MAP3K19: variants seen among roughly 807,000 people sequenced by gnomAD.
MAP3K19 encodes mitogen-activated protein kinase kinase kinase 19, also known as SPS1/STE20-related protein kinase YSK4.
In MAP3K19, 91 loss-of-function variants were observed where a neutral mutation model predicts 114.4. That is an observed-to-expected ratio of 0.80 (90% CI 0.67 to 0.95). The LOEUF is 0.95. Ranked by LOEUF, MAP3K19 falls within the 40% of genes least tolerant of loss-of-function variation. MAP3K19 has a pLI of 0.00. For missense variants in MAP3K19, 1,471 were observed against 1,573.2 expected, an observed-to-expected ratio of 0.94 and a Z score of 1.10; for synonymous variants, 518 against 530.5, an observed-to-expected ratio of 0.98 and a Z score of 0.32.
intron 1 of MAP3K19, among the ~76,000 whole-genome samples, chr2:135,044,808 A>G (rs1047592357): frequency 2.6e-5 from 4 of 152,140 alleles, no homozygotes; most frequent in African/African-American, 9.7e-5. Context: ...ACCCAATCTA[A>G]TGTGCCTGAG....
At chr2:135,038,261 A>ATATAT (rs1266400031) in intron 2 of MAP3K19, among the ~76,000 whole-genome samples, 2 of 151,994 alleles carry the variant, frequency 1.3e-5, no homozygotes, top group African/African-American at 4.8e-5. Context: ...AAATTGTGGC[A>ATATAT]TATATATACA....
chr2:134,967,600 A>G (rs1396001832), intron 12 of MAP3K19, among the ~76,000 whole-genome samples: 1 of 152,262 alleles, frequency 6.6e-6, no homozygotes, highest in Non-Finnish European at 1.5e-5. Context: ...GCTTAGAGAC[A>G]CGTCCAGTCA....
intron 3 of MAP3K19, among the ~76,000 whole-genome samples, chr2:135,029,666 C>T (rs2104782874): frequency 6.6e-6 from 1 of 152,264 alleles, no homozygotes; most frequent in South Asian, 2.1e-4. Flanking sequence ...AATTGATTTT[C>T]TTTCAGTTGG....
chr2:135,008,864 G>A (rs1687017131), intron 5 of MAP3K19, among the ~76,000 whole-genome samples: 2 of 152,132 alleles, frequency 1.3e-5, no homozygotes, highest in South Asian at 4.2e-4. Context: ...CTGCAGCCTT[G>A]AACTCCTGGG....
chr2:134,990,640 C>G (rs1685501571), intron 9 of MAP3K19, among the ~76,000 whole-genome samples: 1 of 151,938 alleles, frequency 6.6e-6, no homozygotes, highest in Non-Finnish European at 1.5e-5. Context: ...CCATGCCCAG[C>G]TAATGTTTTG....
At chr2:135,009,855 G>A (rs769961153) in intron 5 of MAP3K19, among the ~76,000 whole-genome samples, 3 of 152,010 alleles carry the variant, frequency 2.0e-5, no homozygotes, top group Non-Finnish European at 2.9e-5. Flanking sequence ...CAAGCTCACC[G>A]TTCCAATAAT....
intron 9 of MAP3K19, 58 bp from the exon 10 acceptor site, chr2:134,988,311 C>T: frequency 7.0e-7 from 1 of 1,426,242 alleles, no homozygotes; most frequent in East Asian, 2.3e-5. Context: ...ATCACGCTAA[C>T]TCGTTTAAAG....
At chr2:135,021,574 G>C (rs138600859) in intron 5 of MAP3K19, 141 bp downstream of exon 5, 30 of 583,198 alleles carry the variant, frequency 5.1e-5, no homozygotes, top group Middle Eastern at 5.2e-4. Flanking sequence ...TTTCAGAAGA[G>C]TGTCTTACCA....
intron 12 of MAP3K19, among the ~76,000 whole-genome samples, chr2:134,966,986 A>G (rs1408047698): frequency 6.6e-6 from 1 of 152,216 alleles, no homozygotes; most frequent in Non-Finnish European, 1.5e-5. Flanking sequence ...CTGTACTTTC[A>G]ACAATTTCTT....
At chr2:134,969,608 G>A (rs561406371) in intron 12 of MAP3K19, among the ~76,000 whole-genome samples, 12 of 152,080 alleles carry the variant, frequency 7.9e-5, no homozygotes, top group Non-Finnish European at 1.8e-4. Context: ...TCAACAGGTC[G>A]TCTCTTCACA....
chr2:135,030,273 C>T (rs1688349920), intron 3 of MAP3K19, 39 bp downstream of exon 3: 1 of 152,572 alleles, frequency 6.6e-6, no homozygotes, highest in African/African-American at 2.4e-5. Context: ...TTTCACCATC[C>T]ACTCACCCAC....
intron 1 of MAP3K19, among the ~76,000 whole-genome samples, chr2:135,041,477 A>G (rs1258083461): frequency 1.3e-5 from 2 of 151,794 alleles, no homozygotes; most frequent in African/African-American, 2.4e-5. Context: ...AGTAGCTGGG[A>G]CTACTGGTGC....
chr2:134,984,242 C>G (rs546994371), intron 10 of MAP3K19, among the ~76,000 whole-genome samples: 1 of 152,184 alleles, frequency 6.6e-6, no homozygotes, highest in African/African-American at 2.4e-5. Flanking sequence ...TCAGCTTGCT[C>G]CTAAACACAG....
At chr2:134,970,439 A>C (rs76822830) in intron 12 of MAP3K19, among the ~76,000 whole-genome samples, 1 of 151,734 alleles carries the variant, frequency 6.6e-6, no homozygotes, top group Non-Finnish European at 1.5e-5. Context: ...AAACACAACA[A>C]ATTTTCGTAT....
In MAP3K19 at chr2:134,999,858, C is replaced by T. The variant is rs550206226; in HGVS notation, c.314+79G>A. On this transcript the variant is annotated intron_variant, in intron 7 of 12. Coordinates refer to ENST00000392915, the MANE Select transcript of MAP3K19 (RefSeq NM_025052.5). This position sits in a 1 kb window ranked among gnomAD's most constrained non-coding sequence, Gnocchi z 4.1. ...TTAAGCATTATTATGGATTCAATTA[C>T]TAATAATGTAGGTTGCCATATGACT... 4 of 920,570 alleles carry T rather than the reference C, an allele frequency of 4.3e-6. No individual in the cohort carries two copies. Among genetic ancestry groups the T allele is most frequent in the African/African-American group, 3.3e-5 (2 of 61,332 alleles). 57.0% of individuals were successfully genotyped at this position (920,570 alleles called of 1,614,324 possible).
chr2:135,001,411 A>G lies in MAP3K19; in HGVS notation c.236-1396T>C, dbSNP rs548827536. On this transcript the variant is annotated intron_variant, in intron 6 of 12. Coordinates refer to ENST00000392915, the MANE Select transcript of MAP3K19 (RefSeq NM_025052.5). Reference sequence around the variant, plus strand: ...CTATCACCAGACTATGTAGCAAAAAATGAGAGACTTGGAATTATTGAGCTG... The same window carrying G: ...CTATCACCAGACTATGTAGCAAAAAGTGAGAGACTTGGAATTATTGAGCTG... Among the ~76,000 whole-genome samples the G allele has an allele frequency of 2.6e-5, 4 of 152,362 alleles. No homozygotes were observed. The East Asian group carries it at 7.7e-4, about 29-fold the overall frequency.
chr2:135,011,268 TG>T (rs532231996), intron 5 of MAP3K19, among the ~76,000 whole-genome samples: 1 of 152,162 alleles, frequency 6.6e-6, no homozygotes, highest in Non-Finnish European at 1.5e-5. Context: ...CCAGGCGCGG[TG>T]GCTCACGCCT....
Position 135,005,380 on chromosome 2 carries a change from A to G in MAP3K19, c.235+55T>C, listed in dbSNP as rs1038381152. ...AATAAGCCCTTCTGAAATTGGAGAG[A>G]AGCCCATATGATAATGTTATCTTTG... On this transcript the variant is annotated intron_variant, in intron 6 of 12. Coordinates refer to ENST00000392915, the MANE Select transcript of MAP3K19 (RefSeq NM_025052.5). The G allele has an allele frequency of 3.9e-6, 5 of 1,288,676 alleles. No homozygotes were observed. In the African/African-American group the frequency reaches 7.3e-5, roughly 19 times the overall value. The allele number at this position is 1,288,676 out of a possible 1,614,324, so 79.8% of individuals were successfully genotyped here. A position where few individuals can be genotyped will look rare whatever the true frequency, so the allele number is the denominator to read the frequency against.
At chr2:135,021,521 G>C (rs1687976551) in intron 5 of MAP3K19, among the ~76,000 whole-genome samples, 194 bp downstream of exon 5, 1 of 152,070 alleles carries the variant, frequency 6.6e-6, no homozygotes. Context: ...TCTTATGCAT[G>C]AGTCTCAGAG....
Sources: allele counts gnomAD v4.1 joint callset (sites outside exome capture counted in the v4.1 genomes callset), GRCh38; gene constraint gnomAD v4.1.1; non-coding constraint Gnocchi (gnomAD v3.1); transcripts MANE v1.5; gene names NCBI Gene and HGNC (gene_info 2026-07-23, HGNC 2026-07-21).